TMEM178B: variants seen among roughly 807,000 people sequenced by gnomAD.
TMEM178B encodes transmembrane protein 178B.
In TMEM178B, 5 loss-of-function variants were observed where a neutral mutation model predicts 31.0. That is an observed-to-expected ratio of 0.16 (90% CI 0.08 to 0.34). TMEM178B has a LOEUF of 0.34. TMEM178B is among the 10% of genes least tolerant of loss of function. TMEM178B has a pLI of 1.00. For missense variants in TMEM178B, 275 were observed against 400.3 expected (o/e 0.69, Z 2.67); for synonymous variants, 164 against 164.0 (o/e 1.00, Z 0.00).
At chr7:141,467,542 C>T (rs970053138) in intron 3 of TMEM178B, among the ~76,000 whole-genome samples, 9 of 152,180 alleles carry the variant, frequency 5.9e-5, no homozygotes, top group Non-Finnish European at 1.0e-4. Flanking sequence ...TTGCCCCTTC[C>T]CCCTGATGAC....
chr7:141,341,429 G>T (rs1321906105), intron 2 of TMEM178B, among the ~76,000 whole-genome samples: 1 of 152,110 alleles, frequency 6.6e-6, no homozygotes, highest in South Asian at 2.1e-4. Flanking sequence ...GTTTCTCTTT[G>T]ATTTCTCATC....
intron 2 of TMEM178B, among the ~76,000 whole-genome samples, chr7:141,253,937 A>G (rs1797878207): frequency 6.6e-6 from 1 of 152,168 alleles, no homozygotes; most frequent in Non-Finnish European, 1.5e-5. Context: ...CAAAACCTGC[A>G]TTTGTATCCC....
Position 141,421,715 on chromosome 7 carries a change from C to T in TMEM178B, c.497-15893C>T, listed in dbSNP as rs936665235. Reference sequence around the variant, plus strand: ...ATGCCTAGCACATCAGAAATCCTAGCTTTATCATCATCACTGTCATCATCA... The same window carrying T: ...ATGCCTAGCACATCAGAAATCCTAGTTTTATCATCATCACTGTCATCATCA... On this transcript the variant is annotated intron_variant, in intron 2 of 3. Coordinates refer to ENST00000565468, the MANE Select transcript of TMEM178B (RefSeq NM_001195278.2). Among the ~76,000 whole-genome samples, 3 of 152,252 alleles carry T rather than the reference C, an allele frequency of 2.0e-5. No individual in the cohort carries two copies. In the East Asian group the frequency reaches 5.8e-4, roughly 29 times the overall value.
chr7:141,146,843 T>C (rs149647555), intron 1 of TMEM178B, among the ~76,000 whole-genome samples: 2 of 152,274 alleles, frequency 1.3e-5, no homozygotes, highest in African/African-American at 2.4e-5. Flanking sequence ...CGCAGAAGCA[T>C]GGAGGTTTGT....
chr7:141,092,296 G>T (rs940584301), intron 1 of TMEM178B, among the ~76,000 whole-genome samples: 2 of 152,102 alleles, frequency 1.3e-5, no homozygotes, highest in African/African-American at 2.4e-5. Context: ...AAAAGTAAAC[G>T]CCCTGGAAAT....
At chr7:141,179,316 G>A (rs994494577) in intron 1 of TMEM178B, among the ~76,000 whole-genome samples, 5 of 152,166 alleles carry the variant, frequency 3.3e-5, no homozygotes, top group Non-Finnish European at 5.9e-5. Context: ...AATAATTTAG[G>A]CAAAGTAGTG....
chr7:141,323,477 C>T (rs1354234855), intron 2 of TMEM178B, among the ~76,000 whole-genome samples: 2 of 152,116 alleles, frequency 1.3e-5, no homozygotes, highest in South Asian at 4.1e-4. Context: ...TGAGTAAATT[C>T]TACATCATTA....
intron 2 of TMEM178B, among the ~76,000 whole-genome samples, chr7:141,279,399 A>T (rs913579399): frequency 6.6e-6 from 1 of 152,216 alleles, no homozygotes; most frequent in African/African-American, 2.4e-5. Context: ...TACTTTTAGC[A>T]AAGTAATAAG....
intron 1 of TMEM178B, among the ~76,000 whole-genome samples, chr7:141,086,854 AT>A (rs1248684191): frequency 6.6e-6 from 1 of 151,972 alleles, no homozygotes; most frequent in African/African-American, 2.4e-5. Flanking sequence ...CGCCCAGCTG[AT>A]TTTTATATTT....
chr7:141,364,279 GC>G (rs1488043690), intron 2 of TMEM178B, among the ~76,000 whole-genome samples: 1 of 152,146 alleles, frequency 6.6e-6, no homozygotes, highest in Non-Finnish European at 1.5e-5. Flanking sequence ...AGTTAGAGAT[GC>G]GTTCAATTGT....
In TMEM178B at chr7:141,100,025, T is replaced by C. The variant is rs534644159; in HGVS notation, c.382+25333T>C. On this transcript the variant is annotated intron_variant, in intron 1 of 3. Transcript: ENST00000565468. The stretch of plus-strand genomic sequence containing the variant: ...TAGTAGAGATGGGGTTTCACCATGT[T>C]AGCCAGGATGGTCTCGATCTCCTGA... Among the ~76,000 whole-genome samples the C allele has an allele frequency of 3.3e-5, 5 of 152,190 alleles. No individual in the cohort carries two copies. In the East Asian group the frequency reaches 7.8e-4, roughly 24 times the overall value.
intron 2 of TMEM178B, among the ~76,000 whole-genome samples, chr7:141,220,523 G>C (rs543943138): frequency 4.6e-5 from 7 of 151,868 alleles, no homozygotes; most frequent in African/African-American, 1.7e-4. Context: ...GACCTAGGGG[G>C]AGGGAAGGGA....
intron 2 of TMEM178B, among the ~76,000 whole-genome samples, chr7:141,313,351 C>T (rs116858286): frequency 7.6e-4 from 115 of 152,264 alleles, no homozygotes; most frequent in African/African-American, 2.6e-3. Flanking sequence ...GGCTCTCTCA[C>T]GGTTTGCTCT....
intron 3 of TMEM178B, among the ~76,000 whole-genome samples, chr7:141,446,193 C>T (rs1801750977): frequency 6.6e-6 from 1 of 152,206 alleles, no homozygotes; most frequent in African/African-American, 2.4e-5. Flanking sequence ...CTCATTTTCA[C>T]ACTGAAGCTG....
chr7:141,133,759 C>T (rs1365308495), intron 1 of TMEM178B, among the ~76,000 whole-genome samples: 4 of 152,132 alleles, frequency 2.6e-5, no homozygotes, highest in Non-Finnish European at 4.4e-5. Flanking sequence ...AGATTCAACC[C>T]AAGAAGATCT....
intron 2 of TMEM178B, among the ~76,000 whole-genome samples, chr7:141,375,390 T>C (rs1004530498): frequency 3.3e-5 from 5 of 152,202 alleles, no homozygotes; most frequent in African/African-American, 1.2e-4. Context: ...CCATCTTGAC[T>C]GCACCTGCGT....
At chr7:141,117,168 C>T (rs1418686458) in intron 1 of TMEM178B, among the ~76,000 whole-genome samples, 1 of 152,218 alleles carries the variant, frequency 6.6e-6, no homozygotes, top group Admixed American at 6.5e-5. Context: ...ACATCCTCTC[C>T]AGCATCTGTT....
chr7:141,264,657 C>A (rs1373638749), intron 2 of TMEM178B, among the ~76,000 whole-genome samples: 1 of 152,168 alleles, frequency 6.6e-6, no homozygotes, highest in African/African-American at 2.4e-5. Context: ...TCATTTTGTC[C>A]ATCAGGTGGG....
At chr7:141,239,506 C>A (rs964564358) in intron 2 of TMEM178B, among the ~76,000 whole-genome samples, 1 of 152,192 alleles carries the variant, frequency 6.6e-6, no homozygotes, top group Non-Finnish European at 1.5e-5. Context: ...TGGAAAGGGT[C>A]ATACCTTAGG....
Sources: gnomAD v4.1 joint callset for allele counts (sites outside exome capture counted in the v4.1 genomes callset) on GRCh38, gnomAD v4.1.1 for gene constraint, MANE v1.5 for transcripts, NCBI Gene and HGNC (gene_info 2026-07-23, HGNC 2026-07-21) for gene names.